Variants in HIP1 observed in about 807,000 individuals in gnomAD.
HIP1 encodes huntingtin-interacting protein 1.
HIP1 carries 65 observed loss-of-function variants against 147.6 expected under a neutral mutation model. That is an observed-to-expected ratio of 0.44 (90% CI 0.36 to 0.54). HIP1 has a LOEUF of 0.54. Ranked by LOEUF, HIP1 falls within the 20% of genes least tolerant of loss-of-function variation. The pLI, the probability that HIP1 is intolerant of heterozygous loss-of-function variation, is 0.00. For synonymous variants in HIP1, 479 were observed against 504.0 expected (o/e 0.95, Z 0.67); for missense variants, 1,061 against 1,299.6 (o/e 0.82, Z 2.82).
In HIP1 at chr7:75,537,659, A is replaced by G. The variant is rs1283836757; in HGVS notation, c.*513T>C. On this transcript the variant is annotated 3_prime_UTR_variant, in exon 31 of 31. Transcript: ENST00000336926. ...CCGTCCTTCTGACTGTGCAGATCTC[A>G]GGGTAGTGTCCTGGTTTGGAATCCA... is the stretch of plus-strand genomic sequence containing the variant. 1.7e-5 allele frequency: 4 copies of G among 231,530 alleles called. No individual in the cohort carries two copies. The highest frequency in any genetic ancestry group is 1.2e-4 in the East Asian group (2 of 16,282). 14.3% of individuals were successfully genotyped at this position (231,530 alleles called of 1,614,324 possible).
intron 1 of HIP1, among the ~76,000 whole-genome samples, chr7:75,622,345 C>A (rs1167051004): frequency 6.6e-6 from 1 of 151,838 alleles, no homozygotes; most frequent in African/African-American, 2.4e-5. Context: ...GATAAGAGCA[C>A]CAAGGAGTGA....
At chr7:75,616,844 G>T (rs587762754) in intron 1 of HIP1, among the ~76,000 whole-genome samples, 1 of 152,156 alleles carries the variant, frequency 6.6e-6, no homozygotes, top group South Asian at 2.1e-4. Context: ...TACCAGGGAG[G>T]TATATGTCAG....
At chr7:75,700,401 C>T (rs1800788268) in intron 1 of HIP1, among the ~76,000 whole-genome samples, 1 of 152,156 alleles carries the variant, frequency 6.6e-6, no homozygotes, top group South Asian at 2.1e-4. Context: ...CTGTTGAGGG[C>T]AGACTGACAT....
At chr7:75,637,991 C>A (rs190703685) in intron 1 of HIP1, among the ~76,000 whole-genome samples, 17 of 50,802 alleles carry the variant, frequency 3.3e-4, no homozygotes, top group Admixed American at 1.7e-3. Context: ...CCCCCCCCCC[C>A]CCACACACAC....
intron 1 of HIP1, among the ~76,000 whole-genome samples, chr7:75,735,637 ATTGACTAACG>A (rs1441268000): frequency 6.6e-6 from 1 of 151,618 alleles, no homozygotes; most frequent in African/African-American, 2.4e-5. Flanking sequence ...TTTTTTGCAG[ATTGACTAACG>A]TTGGGTTTAG....
rs1042296950 is a variant in HIP1 at position 75,537,027 on chromosome 7, T to C, written c.*1145A>G. 4.3e-6 allele frequency: 1 copy of C among 232,332 alleles called. No homozygotes were observed. The highest frequency in any genetic ancestry group is 8.5e-6 in the Non-Finnish European group (1 of 117,552). 14.4% of individuals were successfully genotyped at this position (232,332 alleles called of 1,614,324 possible). ...TCAAGAGGATGCCAAGGCAGACGTC[T>C]GCAGAAAGGAGTTGGGAATCACTCC... On this transcript the variant is annotated 3_prime_UTR_variant, in exon 31 of 31. Transcript: ENST00000336926.
chr7:75,585,666 T>TG (rs1405488896), intron 5 of HIP1, among the ~76,000 whole-genome samples: 1 of 151,814 alleles, frequency 6.6e-6, no homozygotes. Flanking sequence ...TCTGACACCC[T>TG]GGCCTGGCCC....
chr7:75,624,187 C>A (rs587636776), intron 1 of HIP1, among the ~76,000 whole-genome samples: 1 of 152,164 alleles, frequency 6.6e-6, no homozygotes, highest in Non-Finnish European at 1.5e-5. Context: ...CTGGAGGCCA[C>A]GGAATCAGGC....
intron 1 of HIP1, among the ~76,000 whole-genome samples, chr7:75,706,712 A>G (rs1208707560): frequency 9.0e-6 from 1 of 111,464 alleles, no homozygotes; most frequent in Non-Finnish European, 1.8e-5. Flanking sequence ...TACATGTGCC[A>G]TGCTGGTGCG....
intron 1 of HIP1, among the ~76,000 whole-genome samples, chr7:75,650,145 T>A (rs536991284): frequency 2.0e-5 from 3 of 152,242 alleles, no homozygotes; most frequent in African/African-American, 7.2e-5. Context: ...ATCTGCCGAA[T>A]TTCTAAAGCC....
intron 8 of HIP1, among the ~76,000 whole-genome samples, chr7:75,572,678 C>T (rs587719902): frequency 2.0e-4 from 30 of 152,340 alleles, no homozygotes; most frequent in African/African-American, 7.0e-4. Flanking sequence ...GGGCTGTAGC[C>T]GCCCAAGTTG....
intron 1 of HIP1, among the ~76,000 whole-genome samples, chr7:75,676,548 G>A (rs986845031): frequency 2.6e-5 from 4 of 151,412 alleles, no homozygotes; most frequent in Non-Finnish European, 4.4e-5. Context: ...AGGCTGAGGC[G>A]GGCAGATCAC....
chr7:75,572,614 A>T (rs1554496872), intron 8 of HIP1, among the ~76,000 whole-genome samples: 1 of 152,176 alleles, frequency 6.6e-6, no homozygotes, highest in Non-Finnish European at 1.5e-5. Context: ...GCAGGGAGGC[A>T]TGGCCAGGGC....
intron 1 of HIP1, among the ~76,000 whole-genome samples, chr7:75,620,868 G>A (rs1459807927): frequency 6.6e-6 from 1 of 152,000 alleles, no homozygotes; most frequent in Non-Finnish European, 1.5e-5. Context: ...AGTGTTCTAG[G>A]CAGCATTATA....
intron 1 of HIP1, among the ~76,000 whole-genome samples, chr7:75,620,972 A>G (rs1384735575): frequency 6.6e-6 from 1 of 151,870 alleles, no homozygotes; most frequent in Non-Finnish European, 1.5e-5. Context: ...GCTCACACCT[A>G]AAATCTCAGC....
chr7:75,722,633 C>T (rs1554521716), intron 1 of HIP1, among the ~76,000 whole-genome samples: 1 of 152,158 alleles, frequency 6.6e-6, no homozygotes, highest in Non-Finnish European at 1.5e-5. Flanking sequence ...CTATTTACTT[C>T]CCGTTCCATT....
chr7:75,655,070 G>A (rs1799106409), intron 1 of HIP1, among the ~76,000 whole-genome samples: 1 of 152,194 alleles, frequency 6.6e-6, no homozygotes, highest in Non-Finnish European at 1.5e-5. Flanking sequence ...ACTGAAAGCA[G>A]GGACTTAAAC....
intron 1 of HIP1, among the ~76,000 whole-genome samples, chr7:75,717,231 C>T (rs782209131): frequency 3.9e-5 from 6 of 151,990 alleles, no homozygotes; most frequent in Non-Finnish European, 5.9e-5. Flanking sequence ...TACAGACCGA[C>T]GGGAGAATGA....
intron 1 of HIP1, among the ~76,000 whole-genome samples, chr7:75,624,893 A>G (rs1428066091): frequency 6.6e-6 from 1 of 151,520 alleles, no homozygotes; most frequent in Non-Finnish European, 1.5e-5. Flanking sequence ...CATCAAATCT[A>G]TATTCATCCC....
Sources: gnomAD v4.1 joint callset for allele counts (sites outside exome capture counted in the v4.1 genomes callset) on GRCh38, gnomAD v4.1.1 for gene constraint, MANE v1.5 for transcripts, NCBI Gene and HGNC (gene_info 2026-07-23, HGNC 2026-07-21) for gene names.